Variants in WDPCP observed in about 807,000 individuals in gnomAD.
WDPCP encodes the protein WD repeat containing planar cell polarity effector.
In WDPCP, 71 loss-of-function variants were observed where a neutral mutation model predicts 93.1. That is an observed-to-expected ratio of 0.76 (90% CI 0.63 to 0.93). The LOEUF is 0.93. WDPCP is among the 40% of genes least tolerant of loss of function. The probability of loss-of-function intolerance (pLI) is 0.00; values close to 1 mark genes in which losing one functional copy is unlikely to be tolerated. For synonymous variants in WDPCP, 315 were observed against 315.0 expected (o/e 1.00, Z 0.00); for missense variants, 844 against 887.4 (o/e 0.95, Z 0.62).
chr2:63,127,663 A>G (rs964931651), intron 17 of WDPCP, among the ~76,000 whole-genome samples: 2 of 1,262 alleles, frequency 1.6e-3, no homozygotes, highest in Admixed American at 9.3e-3. Flanking sequence ...GTGTATGTGC[A>G]TATATATATA....
At chr2:63,178,890 G>A (rs1371910589) in intron 14 of WDPCP, among the ~76,000 whole-genome samples, 2 of 152,014 alleles carry the variant, frequency 1.3e-5, no homozygotes, top group Non-Finnish European at 2.9e-5. Flanking sequence ...ACAAGTTTGG[G>A]CACTGATATG....
At chr2:63,373,444 C>T (rs763981749) in intron 12 of WDPCP, among the ~76,000 whole-genome samples, 3 of 151,438 alleles carry the variant, frequency 2.0e-5, no homozygotes, top group South Asian at 2.1e-4. Context: ...TTTGTAGAGA[C>T]GGGGTCTCAC....
At chr2:63,698,942 G>C (rs988894775) in intron 2 of WDPCP, among the ~76,000 whole-genome samples, 2 of 152,126 alleles carry the variant, frequency 1.3e-5, no homozygotes, top group African/African-American at 2.4e-5. Flanking sequence ...AGAGTTCCTG[G>C]ACTTCCAGCC....
intron 13 of WDPCP, among the ~76,000 whole-genome samples, chr2:63,278,649 A>G (rs1473040115): frequency 6.6e-6 from 1 of 152,052 alleles, no homozygotes; most frequent in Non-Finnish European, 1.5e-5. Flanking sequence ...AACACAGTGA[A>G]ACCCTGTCTC....
chr2:63,200,928 T>G (rs1385276514), intron 14 of WDPCP, among the ~76,000 whole-genome samples: 1 of 152,124 alleles, frequency 6.6e-6, no homozygotes, highest in African/African-American at 2.4e-5. Context: ...TGATTGTGTT[T>G]TGAAATGTGA....
At chr2:63,753,818 C>T (rs72889381) in intron 2 of WDPCP, among the ~76,000 whole-genome samples, 14,037 of 152,114 alleles carry the variant, frequency 0.092, 1,034 homozygotes, top group African/African-American at 0.21. Context: ...CAGATCCAAA[C>T]AATATAAGTT....
chr2:63,178,373 C>CAATCTCTT (rs1182568937), intron 14 of WDPCP, among the ~76,000 whole-genome samples: 8 of 152,144 alleles, frequency 5.3e-5, no homozygotes, highest in African/African-American at 1.9e-4. Flanking sequence ...GTTACTGATG[C>CAATCTCTT]AATCTCTTTA....
chr2:63,384,471 T>C (rs568779077), intron 10 of WDPCP, among the ~76,000 whole-genome samples: 2 of 152,178 alleles, frequency 1.3e-5, no homozygotes, highest in South Asian at 4.1e-4. Flanking sequence ...AAGTTTGAAG[T>C]CATTGTTAAA....
At chr2:63,504,786 ATGAC>A in intron 1 of WDPCP, among the ~76,000 whole-genome samples, 1 of 152,194 alleles carries the variant, frequency 6.6e-6, no homozygotes, top group South Asian at 2.1e-4. Flanking sequence ...AGTTAACTGA[ATGAC>A]TAAGGAGTGT....
chr2:63,669,358 A>ATTT (rs1419665696), intron 2 of WDPCP, among the ~76,000 whole-genome samples: 2 of 76,656 alleles, frequency 2.6e-5, no homozygotes, highest in Non-Finnish European at 5.1e-5. Context: ...TTTTTATTTT[A>ATTT]TTTTATTTTA....
At chr2:63,361,027 T>C (rs1690405234) in intron 12 of WDPCP, among the ~76,000 whole-genome samples, 1 of 152,230 alleles carries the variant, frequency 6.6e-6, no homozygotes, top group African/African-American at 2.4e-5. Flanking sequence ...GGAAATTAAC[T>C]AAATGCATGT....
intron 2 of WDPCP, among the ~76,000 whole-genome samples, chr2:63,651,176 G>A (rs1710104989): frequency 6.6e-6 from 1 of 152,176 alleles, no homozygotes; most frequent in Non-Finnish European, 1.5e-5. Context: ...CCTCTGGAAT[G>A]TTTAGAGAGG....
Position 63,423,034 on chromosome 2 carries a change from A to G in WDPCP, c.825+10711T>C, listed in dbSNP as rs72883644. Among the ~76,000 whole-genome samples, 718 of 152,344 alleles carry G rather than the reference A, an allele frequency of 4.7e-3. 5 individuals carry two copies. The highest frequency in any genetic ancestry group is 0.017 in the African/African-American group (687 of 41,574). On this transcript the variant is annotated intron_variant, in intron 9 of 17. Coordinates refer to ENST00000272321, the MANE Select transcript of WDPCP (RefSeq NM_015910.7). ...CAAGAAAGTGATAAAAAGTCATGAT[A>G]GTAGTTACTTTGGAGGACAGGGAAG...
intron 14 of WDPCP, among the ~76,000 whole-genome samples, chr2:63,185,670 G>A (rs1242168935): frequency 6.6e-6 from 1 of 152,176 alleles, no homozygotes; most frequent in Non-Finnish European, 1.5e-5. Flanking sequence ...ACCAGATTTT[G>A]TCCTGTATTG....
At chr2:63,572,307 A>T (rs2106478165) in intron 1 of WDPCP, among the ~76,000 whole-genome samples, 2 of 152,346 alleles carry the variant, frequency 1.3e-5, no homozygotes, top group Middle Eastern at 6.8e-3. Flanking sequence ...TCTAACTGCC[A>T]GGAGTAGATA....
intron 14 of WDPCP, among the ~76,000 whole-genome samples, chr2:63,194,227 C>T (rs905818600): frequency 5.3e-5 from 8 of 151,672 alleles, no homozygotes; most frequent in African/African-American, 1.7e-4. Flanking sequence ...TTTTTTAGAA[C>T]TAGAAGAAGG....
intron 1 of WDPCP, among the ~76,000 whole-genome samples, chr2:63,513,124 A>G (rs1702340342): frequency 6.6e-6 from 1 of 152,186 alleles, no homozygotes. Flanking sequence ...GAACTTACTT[A>G]AAGAAGACTT....
intron 10 of WDPCP, among the ~76,000 whole-genome samples, chr2:63,388,402 A>T (rs1262568532): frequency 6.6e-6 from 1 of 152,234 alleles, no homozygotes; most frequent in Non-Finnish European, 1.5e-5. Context: ...GGTCACCAAC[A>T]TCAAAGACCA....
chr2:63,630,745 A>G (rs996355335), intron 3 of WDPCP, among the ~76,000 whole-genome samples: 1 of 152,194 alleles, frequency 6.6e-6, no homozygotes, highest in Admixed American at 6.5e-5. Flanking sequence ...CTACAGAAGA[A>G]CTCAACAACA....
Sources: allele counts gnomAD v4.1 joint callset (sites outside exome capture counted in the v4.1 genomes callset), GRCh38; gene constraint gnomAD v4.1.1; transcripts MANE v1.5; gene names NCBI Gene and HGNC (gene_info 2026-07-23, HGNC 2026-07-21).